LMNB2: variants seen among roughly 807,000 people sequenced by gnomAD.
The protein encoded by LMNB2 is lamin-B2.
LMNB2 carries 17 observed loss-of-function variants against 69.3 expected under a neutral mutation model. The observed-to-expected ratio is 0.25, with a 90% confidence interval of 0.17 to 0.37. LMNB2 has a LOEUF of 0.37. LMNB2 is among the 10% of genes least tolerant of loss of function. The probability of loss-of-function intolerance (pLI) is 1.00; values close to 1 mark genes in which losing one functional copy is unlikely to be tolerated. For missense variants in LMNB2, 789 were observed against 883.6 expected (o/e 0.89, Z 1.36); for synonymous variants, 397 against 389.3 (o/e 1.02, Z -0.23).
Position 2,433,871 on chromosome 19 carries a change from G to A in LMNB2, c.1437C>T (p.Ile479=), listed in dbSNP as rs770059346. Residue 479 remains isoleucine (I), a synonymous_variant, in exon 8 of 12, where the codon ATC becomes ATT. Coordinates refer to ENST00000325327, the MANE Select transcript of LMNB2 (RefSeq NM_032737.4). ...GCTGCACAAACTTGCCCTCCAGGTC[G>A]ATCTCCTCGATGCTGACGCTACCCG... ...SASGSVSIEE[I]DLEGKFVQLK... is the part of the protein sequence containing the mutation. 6.8e-6 allele frequency: 11 copies of A among 1,613,134 alleles called. No homozygotes were observed. The highest frequency in any genetic ancestry group is 9.3e-6 in the Non-Finnish European group (11 of 1,179,858).
chr19:2,446,838 A>G (rs919849072), intron 1 of LMNB2, among the ~76,000 whole-genome samples: 7 of 152,198 alleles, frequency 4.6e-5, no homozygotes, highest in Non-Finnish European at 8.8e-5. Context: ...ACATCCATGC[A>G]TGTTTGAAAA....
intron 6 of LMNB2, 113 bp from the exon 7 acceptor site, chr19:2,434,628 C>T: frequency 2.0e-6 from 3 of 1,508,094 alleles, no homozygotes; most frequent in Non-Finnish European, 2.7e-6. Context: ...GAGACCAGGC[C>T]TGGGCATGGG....
intron 2 of LMNB2, among the ~76,000 whole-genome samples, chr19:2,440,002 G>A (rs1599335901): frequency 6.6e-6 from 1 of 152,058 alleles, no homozygotes; most frequent in African/African-American, 2.4e-5. Context: ...AAAGTGCTGG[G>A]ATTACAGGCG....
At chr19:2,442,661 C>T (rs1002559243) in intron 2 of LMNB2, among the ~76,000 whole-genome samples, 1 of 152,090 alleles carries the variant, frequency 6.6e-6, no homozygotes, top group African/African-American at 2.4e-5. Context: ...GAGGCAGGAT[C>T]ACCTGAGCCT....
At chr19:2,440,901 C>T (rs1971892763) in intron 2 of LMNB2, among the ~76,000 whole-genome samples, 1 of 152,248 alleles carries the variant, frequency 6.6e-6, no homozygotes, top group South Asian at 2.1e-4. Flanking sequence ...CTCTGTGGGA[C>T]TCTTCCTTCC....
At chr19:2,436,359 C>A (rs986610805) in intron 4 of LMNB2, among the ~76,000 whole-genome samples, 16 of 150,572 alleles carry the variant, frequency 1.1e-4, no homozygotes, top group African/African-American at 3.7e-4. Flanking sequence ...CCAGTGTGGG[C>A]AACAGAGCAA....
At chr19:2,450,447 G>C (rs1972009698) in intron 1 of LMNB2, among the ~76,000 whole-genome samples, 1 of 130,610 alleles carries the variant, frequency 7.7e-6, no homozygotes, top group African/African-American at 3.1e-5. Context: ...CTACAACTTT[G>C]GGAGGCTGAG....
chr19:2,435,431 AG>A (rs1423850270), intron 4 of LMNB2, among the ~76,000 whole-genome samples: 2 of 152,174 alleles, frequency 1.3e-5, no homozygotes, highest in African/African-American at 4.8e-5. Context: ...ACTCAATGAG[AG>A]ACGCCAGACA....
chr19:2,442,409 T>C (rs1451527959), intron 2 of LMNB2, among the ~76,000 whole-genome samples: 1 of 151,760 alleles, frequency 6.6e-6, no homozygotes, highest in Non-Finnish European at 1.5e-5. Flanking sequence ...CTGGCCAACT[T>C]GGTAAAAAAA....
Position 2,432,440 on chromosome 19 carries a change from G to A in LMNB2, c.1566C>T (p.Ile522=), listed in dbSNP as rs1971752959. Residue 522 remains isoleucine (I), a synonymous_variant, in exon 9 of 12, where the codon ATC becomes ATT. Transcript: ENST00000325327. ...CCGTGACCATCTGGCCGGCGCGCAGGATGTACTTGGGCGTGAACTTGTAGG... is the reference window on the plus strand; with the variant it reads ...CCGTGACCATCTGGCCGGCGCGCAGAATGTACTTGGGCGTGAACTTGTAGG... The part of the protein sequence containing the change: ...EIAYKFTPKY[I]LRAGQMVTVW... 6.2e-7 allele frequency: 1 copy of A among 1,613,488 alleles called. No homozygotes were observed. The highest frequency in any genetic ancestry group is 8.5e-7 in the Non-Finnish European group (1 of 1,179,904).
chr19:2,440,741 T>A (rs917176063), intron 2 of LMNB2, among the ~76,000 whole-genome samples: 1 of 151,468 alleles, frequency 6.6e-6, no homozygotes, highest in South Asian at 2.1e-4. Flanking sequence ...TCCATCCATC[T>A]ATCCACTCAT....
chr19:2,443,218 T>C lies in LMNB2; in HGVS notation c.401+1186A>G, dbSNP rs1179383351. Reference sequence around the variant, plus strand: ...ATGGCCACCATCAGGGCACAAATGGTCCCTCCTGGAGCCCCAGGCCCCGGG... The same window carrying C: ...ATGGCCACCATCAGGGCACAAATGGCCCCTCCTGGAGCCCCAGGCCCCGGG... On this transcript the variant is annotated intron_variant, in intron 2 of 11. Transcript: ENST00000325327. The surrounding 1 kb of genome is among the most constrained non-coding windows in gnomAD (Gnocchi z 6.2). 6.6e-6 allele frequency among the ~76,000 whole-genome samples: 1 copy of C among 151,970 alleles called. No individual in the cohort carries two copies. The highest frequency in any genetic ancestry group is 1.5e-5 in the Non-Finnish European group (1 of 67,964).
In LMNB2 at chr19:2,432,433, C is replaced by A. The variant is rs1400747049; in HGVS notation, c.1573G>T (p.Ala525Ser). 1.2e-6 allele frequency: 2 copies of A among 1,613,074 alleles called. No homozygotes were observed. Among genetic ancestry groups the A allele is most frequent in the Non-Finnish European group, 1.7e-6 (2 of 1,179,818 alleles). Residue 525 changes from alanine to serine, a missense_variant, in exon 9 of 12, where the codon GCC becomes TCC. Ala to Ser is a moderately conservative substitution (Grantham distance 99). Around this residue, in one of 3 missense-constraint regions of LMNB2, gnomAD observed 609 missense variants for 630.9 expected, o/e 0.97. Transcript: ENST00000325327. ...CCACCTACCGTGACCATCTGGCCGG[C>A]GCGCAGGATGTACTTGGGCGTGAAC... Reference protein sequence around the residue: ...YKFTPKYILRAGQMVTVWAAG... With the variant: ...YKFTPKYILRSGQMVTVWAAG...
chr19:2,433,919 G>A lies in LMNB2; in HGVS notation c.1389C>T (p.His463=), dbSNP rs752555785. ...GTGTGGSGGF[H]LAQQASASGS... Reference sequence around the variant, plus strand: ...CCGAGGCCGAGGCCTGCTGGGCCAGGTGGAAGCCACCGCTGCCACCCGTGC... The same window carrying A: ...CCGAGGCCGAGGCCTGCTGGGCCAGATGGAAGCCACCGCTGCCACCCGTGC... The change falls in exon 8 of 12, where the codon CAC becomes CAT. Residue 463 remains histidine, a synonymous_variant. Coordinates refer to ENST00000325327, the MANE Select transcript of LMNB2 (RefSeq NM_032737.4). 3 of 1,612,088 alleles carry A rather than the reference G, an allele frequency of 1.9e-6. No individual in the cohort carries two copies. Among genetic ancestry groups the A allele is most frequent in the Non-Finnish European group, 2.5e-6 (3 of 1,179,434 alleles).
In LMNB2 at chr19:2,453,695, GC is replaced by G. The variant is rs954540984; in HGVS notation, c.264+2974del. On this transcript the variant is annotated intron_variant, in intron 1 of 11. Coordinates refer to ENST00000325327, the MANE Select transcript of LMNB2 (RefSeq NM_032737.4). The surrounding 1 kb of genome is among the most constrained non-coding windows in gnomAD (Gnocchi z 4.4). ...CTGAGTTGTAAAGGATGCTGCTGCGGCCCCGAGAGGTGGCTGGGCCAGGCTC... is the reference window on the plus strand; with the variant it reads ...CTGAGTTGTAAAGGATGCTGCTGCGGCCCGAGAGGTGGCTGGGCCAGGCTC... Among the ~76,000 whole-genome samples, 1 of 152,164 alleles carries G rather than the reference GC, an allele frequency of 6.6e-6. No individual in the cohort carries two copies. Among genetic ancestry groups the G allele is most frequent in the Admixed American group, 6.5e-5 (1 of 15,276 alleles).
intron 1 of LMNB2, among the ~76,000 whole-genome samples, chr19:2,450,101 CATATACATATAT>C (rs1972002910): frequency 7.7e-6 from 1 of 130,686 alleles, no homozygotes; most frequent in Admixed American, 7.3e-5. Flanking sequence ...AATACATATA[CATATACATATAT>C]ATATACACAT....
rs780297843 is a variant in LMNB2 at position 2,444,410 on chromosome 19, T to C, written c.395A>G (p.Asn132Ser). The change falls in exon 2 of 12, where the codon AAC becomes AGC. Residue 132 changes from asparagine to serine, a missense_variant. Transcript: ENST00000325327. ...GKLRAELDEV[N>S]KSAKKREGEL... ...CCCAGCCGTGACCACTCACCTCTTG[T>C]TGACCTCGTCCAACTCTGCCCTCAG... 2.5e-5 allele frequency: 41 copies of C among 1,613,668 alleles called. No homozygotes were observed. The highest frequency in any genetic ancestry group is 3.0e-5 in the Non-Finnish European group (35 of 1,180,020).
At chr19:2,440,950 G>C (rs1175810504) in intron 2 of LMNB2, among the ~76,000 whole-genome samples, 2 of 152,164 alleles carry the variant, frequency 1.3e-5, no homozygotes, top group Non-Finnish European at 2.9e-5. Context: ...TGCCTTCCCA[G>C]CTCACAGTGC....
Position 2,453,007 on chromosome 19 carries a change from T to C in LMNB2, c.264+3663A>G, listed in dbSNP as rs1599342909. Among the ~76,000 whole-genome samples the C allele has an allele frequency of 2.9e-5, 1 of 34,536 alleles. No homozygotes were observed. Among genetic ancestry groups the C allele is most frequent in the South Asian group, 1.1e-3 (1 of 884 alleles). The allele number at this position is 34,536 out of a possible 152,430, so 22.7% of individuals were successfully genotyped here. Reference sequence around the variant, plus strand: ...CCTAATGGGGGCTGGGTCATCCTAATGGGGGCTGGGTCATCCTCGTGGGGG... The same window carrying C: ...CCTAATGGGGGCTGGGTCATCCTAACGGGGGCTGGGTCATCCTCGTGGGGG... On this transcript the variant is annotated intron_variant, in intron 1 of 11. Transcript: ENST00000325327. This position sits in a 1 kb window ranked among gnomAD's most constrained non-coding sequence, Gnocchi z 4.4.
Sources: gnomAD v4.1 joint callset for allele counts (sites outside exome capture counted in the v4.1 genomes callset) on GRCh38, gnomAD v4.1.1 for gene constraint, gnomAD v4.1.1 regional missense constraint, Gnocchi (gnomAD v3.1) non-coding constraint, MANE v1.5 for transcripts, NCBI Gene and HGNC (gene_info 2026-07-23, HGNC 2026-07-21) for gene names.